The following GRIA3 variants were observed in gnomAD, a reference collection of about 807,000 sequenced individuals.
GRIA3 encodes the protein glutamate ionotropic receptor AMPA type subunit 3.
Under a neutral mutation model 63.0 loss-of-function variants are expected in GRIA3, and 3 were observed. The observed-to-expected ratio is 0.05, with a 90% CI of 0.02 to 0.12. The LOEUF is 0.12. Ranked by LOEUF, GRIA3 falls within the 10% of genes least tolerant of loss-of-function variation. The pLI, the probability that GRIA3 is intolerant of heterozygous loss-of-function variation, is 1.00. For synonymous variants in GRIA3, 274 were observed against 257.9 expected (o/e 1.06, Z -0.60); for missense variants, 347 against 700.9 (o/e 0.50, Z 5.70).
intron 5 of GRIA3, among the ~76,000 whole-genome samples, chrX:123,368,145 G>A (rs2045224858): frequency 9.0e-6 from 1 of 111,655 alleles, no homozygotes; most frequent in African/African-American, 3.3e-5. Context: ...GAGTGTGTCT[G>A]ATAGGCAGAT....
intron 7 of GRIA3, among the ~76,000 whole-genome samples, chrX:123,400,818 A>G (rs1469737632): frequency 8.9e-6 from 1 of 112,408 alleles, no homozygotes; most frequent in African/African-American, 3.2e-5. Flanking sequence ...GCTTTAAAAT[A>G]TCTTAAAGCC....
intron 12 of GRIA3, among the ~76,000 whole-genome samples, chrX:123,460,637 T>G (rs768225896): frequency 8.9e-6 from 1 of 111,737 alleles, no homozygotes; most frequent in African/African-American, 3.2e-5. Flanking sequence ...GAATATGTAT[T>G]TAGGGAGGGG....
chrX:123,196,846 G>A, intron 2 of GRIA3, among the ~76,000 whole-genome samples: 1 of 111,842 alleles, frequency 8.9e-6, no homozygotes, highest in Non-Finnish European at 1.9e-5. Flanking sequence ...TTCTTGATTA[G>A]AATTCTTTAA....
chrX:123,379,864 A>C, intron 5 of GRIA3, among the ~76,000 whole-genome samples: 1 of 93,381 alleles, frequency 1.1e-5, no homozygotes, highest in East Asian at 3.4e-4. Flanking sequence ...TCATTGTTCA[A>C]TTCCCACCTA....
At chrX:123,310,914 A>C (rs1030679723) in intron 3 of GRIA3, among the ~76,000 whole-genome samples, 2 of 110,289 alleles carry the variant, frequency 1.8e-5, no homozygotes, top group African/African-American at 3.3e-5. Flanking sequence ...GAGGCACGAG[A>C]ACCTCTTGAA....
intron 5 of GRIA3, among the ~76,000 whole-genome samples, chrX:123,368,110 A>T (rs897117227): frequency 1.8e-5 from 2 of 111,766 alleles, no homozygotes; most frequent in African/African-American, 3.3e-5. Context: ...TGTGGGACAG[A>T]GAGAAGTCTG....
chrX:123,222,993 C>T (rs1403270930), intron 2 of GRIA3, among the ~76,000 whole-genome samples: 4 of 112,344 alleles, frequency 3.6e-5, no homozygotes, highest in African/African-American at 6.5e-5. Context: ...ACTTTTAATG[C>T]TATGTGGGTC....
chrX:123,460,616 C>T (rs371710838), intron 12 of GRIA3, among the ~76,000 whole-genome samples: 17 of 111,243 alleles, frequency 1.5e-4, no homozygotes, highest in Non-Finnish European at 3.0e-4. Flanking sequence ...TTACTTTTGG[C>T]GAGTAGAGAA....
At chrX:123,428,300 T>C (rs749645489) in intron 12 of GRIA3, among the ~76,000 whole-genome samples, 161 bp downstream of exon 12, 1 of 111,019 alleles carries the variant, frequency 9.0e-6, no homozygotes, top group South Asian at 3.9e-4. Flanking sequence ...ATCTACTCCA[T>C]TGTCGTTTAG....
At chrX:123,353,610 C>T (rs1236376373) in intron 4 of GRIA3, among the ~76,000 whole-genome samples, 2 of 111,941 alleles carry the variant, frequency 1.8e-5, no homozygotes, top group Non-Finnish European at 3.8e-5. Context: ...GTTCTAAACC[C>T]TTTAATAGCT....
chrX:123,243,021 T>C (rs1415081734), intron 2 of GRIA3, among the ~76,000 whole-genome samples: 1 of 112,101 alleles, frequency 8.9e-6, no homozygotes, highest in African/African-American at 3.2e-5. Flanking sequence ...CCAATTGTTA[T>C]AGATATGGAA....
Position 123,489,153 on chromosome X carries a change from C to T in GRIA3, c.*443C>T, listed in dbSNP as rs1393637261. 1.8e-5 allele frequency: 2 copies of T among 108,751 alleles called. No individual in the cohort carries two copies. The highest frequency in any genetic ancestry group is 6.7e-5 in the African/African-American group (2 of 29,680). 9.0% of individuals were successfully genotyped at this position (108,751 alleles called of 1,213,427 possible). On this transcript the variant is annotated 3_prime_UTR_variant, in exon 16 of 16. Transcript: ENST00000620443. ...AATTCAGCAAAGAGGCCCATCTAAG[C>T]TAAAAAAATTAATTCTTCCTGATTA...
chrX:123,270,998 G>C (rs2044517960), intron 3 of GRIA3, among the ~76,000 whole-genome samples: 1 of 111,736 alleles, frequency 8.9e-6, no homozygotes, highest in Non-Finnish European at 1.9e-5. Context: ...GATTAATAAG[G>C]CATCTTAGAA....
chrX:123,332,391 T>C (rs2147336897), intron 4 of GRIA3, among the ~76,000 whole-genome samples: 1 of 112,010 alleles, frequency 8.9e-6, no homozygotes, highest in African/African-American at 3.2e-5. Flanking sequence ...TGTATATATG[T>C]GTATGCTTAT....
chrX:123,230,771 A>T (rs746045826), intron 2 of GRIA3, among the ~76,000 whole-genome samples: 7 of 112,043 alleles, frequency 6.2e-5, no homozygotes, highest in African/African-American at 1.6e-4. Flanking sequence ...ATGACACATC[A>T]TTGGAACTCC....
chrX:123,453,573 G>A (rs1265530815), intron 12 of GRIA3, among the ~76,000 whole-genome samples: 1 of 109,963 alleles, frequency 9.1e-6, no homozygotes, highest in Non-Finnish European at 1.9e-5. Flanking sequence ...AAGAAAATAG[G>A]TTCTGCAATC....
chrX:123,380,154 T>A (rs191689482), intron 5 of GRIA3, among the ~76,000 whole-genome samples: 85 of 111,497 alleles, frequency 7.6e-4, no homozygotes, highest in African/African-American at 2.6e-3. Flanking sequence ...TTTGGGTATA[T>A]ACCCAGTAAT....
chrX:123,217,750 G>A (rs1928194964), intron 2 of GRIA3, among the ~76,000 whole-genome samples: 1 of 112,248 alleles, frequency 8.9e-6, no homozygotes, highest in Non-Finnish European at 1.9e-5. Flanking sequence ...TTCCAATGAA[G>A]GGGGGACCTC....
chrX:123,471,113 A>G (rs2045860274), intron 13 of GRIA3, among the ~76,000 whole-genome samples: 1 of 111,099 alleles, frequency 9.0e-6, no homozygotes, highest in Non-Finnish European at 1.9e-5. Context: ...AGTATGAAGA[A>G]CCTGACAGTT....
Sources: allele counts gnomAD v4.1 joint callset (sites outside exome capture counted in the v4.1 genomes callset), GRCh38; gene constraint gnomAD v4.1.1; transcripts MANE v1.5; gene names NCBI Gene and HGNC (gene_info 2026-07-23, HGNC 2026-07-21).